DNAH12: variants seen among roughly 807,000 people sequenced by gnomAD.
DNAH12 encodes the protein dynein axonemal heavy chain 12.
In DNAH12, 285 loss-of-function variants were observed where a neutral mutation model predicts 371.5. The ratio of observed to expected loss-of-function variants is 0.77; its 90% CI spans 0.70 to 0.85. The LOEUF (loss-of-function observed/expected upper bound fraction) is 0.85, where lower values mean the gene tolerates loss of function less well. DNAH12 is among the 40% of genes least tolerant of loss of function. DNAH12 has a pLI of 0.00. For missense variants in DNAH12, 3,611 were observed against 3,689.4 expected (o/e 0.98, Z 0.55); for synonymous variants, 1,200 against 1,213.0 (o/e 0.99, Z 0.22).
intron 13 of DNAH12, among the ~76,000 whole-genome samples, chr3:57,482,650 C>T (rs887390009): frequency 2.0e-5 from 3 of 151,888 alleles, no homozygotes; most frequent in African/African-American, 7.3e-5. Flanking sequence ...CTATTCACAA[C>T]AGCAAAGACT....
intron 7 of DNAH12, 41 bp downstream of exon 7, chr3:57,508,341 A>G: frequency 6.4e-7 from 1 of 1,550,696 alleles, no homozygotes; most frequent in Non-Finnish European, 8.7e-7. Context: ...TATAGACTCA[A>G]GCAAGGAGAC....
intron 17 of DNAH12, 187 bp downstream of exon 17, chr3:57,468,549 C>T (rs184547961): frequency 1.1e-3 from 337 of 296,584 alleles, no homozygotes; most frequent in Middle Eastern, 6.1e-3. Flanking sequence ...CAGGAGGTGG[C>T]AGTGGCAGTG....
At chr3:57,350,720 G>A (rs1398952283) in intron 60 of DNAH12, among the ~76,000 whole-genome samples, 1 of 152,198 alleles carries the variant, frequency 6.6e-6, no homozygotes, top group East Asian at 1.9e-4. Flanking sequence ...GCAAACTAGA[G>A]AGTGAGTGCC....
At chr3:57,325,398 C>G (rs1377433613) in intron 62 of DNAH12, among the ~76,000 whole-genome samples, 5 of 152,216 alleles carry the variant, frequency 3.3e-5, no homozygotes, top group Admixed American at 1.3e-4. Context: ...GATCAGATAG[C>G]AGCATTCGTG....
intron 16 of DNAH12, among the ~76,000 whole-genome samples, chr3:57,469,584 T>C (rs2066308611): frequency 6.6e-6 from 1 of 152,130 alleles, no homozygotes; most frequent in African/African-American, 2.4e-5. Flanking sequence ...TCAACCTAGG[T>C]GCCCATCAAC....
intron 43 of DNAH12, among the ~76,000 whole-genome samples, chr3:57,398,060 T>G (rs2063781812): frequency 6.6e-6 from 1 of 152,076 alleles, no homozygotes. Context: ...AGGAAAACAA[T>G]GCATGAACAA....
chr3:57,435,344 C>T (rs1351611198), intron 30 of DNAH12, among the ~76,000 whole-genome samples: 5 of 131,546 alleles, frequency 3.8e-5, no homozygotes, highest in African/African-American at 1.1e-4. Context: ...TGCATTCCAG[C>T]CTGGGTGATA....
intron 59 of DNAH12, among the ~76,000 whole-genome samples, chr3:57,353,672 T>C (rs2062735286): frequency 6.6e-6 from 1 of 152,048 alleles, no homozygotes; most frequent in East Asian, 1.9e-4. Flanking sequence ...GAATTTAAAT[T>C]AATTAACAAG....
chr3:57,328,209 T>G (rs905557638), intron 62 of DNAH12, among the ~76,000 whole-genome samples: 22 of 151,426 alleles, frequency 1.5e-4, no homozygotes, highest in Admixed American at 1.4e-3. Flanking sequence ...TAACTCATTT[T>G]ATGAGGCCAG....
At position 57,446,121 on chromosome 3, in the gene DNAH12, C is replaced by A. The variant is rs1395816371; in HGVS notation, c.4089G>T (p.Gly1363=). The change falls in exon 27 of 74, where the codon GGG becomes GGT. Residue 1363 remains glycine, a synonymous_variant. Coordinates refer to ENST00000495027, the MANE Select transcript of DNAH12 (RefSeq NM_001366028.2). ...AATTCGGATTGAGCTTAAGTTCTGT[C>A]CCTTCAAAAACAAACACAACCAACT... ...QQKLVVFVFE[G]TELKLNPNCF... 6.4e-7 allele frequency: 1 copy of A among 1,551,652 alleles called. No individual in the cohort carries two copies. The highest frequency in any genetic ancestry group is 8.7e-7 in the Non-Finnish European group (1 of 1,146,988).
At chr3:57,340,826 C>T (rs146965462) in intron 60 of DNAH12, among the ~76,000 whole-genome samples, 36 of 152,206 alleles carry the variant, frequency 2.4e-4, no homozygotes, top group African/African-American at 6.3e-4. Context: ...ATAACCCTGA[C>T]GCCAAAACCA....
At chr3:57,504,377 A>G (rs2067671540) in intron 8 of DNAH12, among the ~76,000 whole-genome samples, 173 bp from the exon 9 acceptor site, 1 of 151,320 alleles carries the variant, frequency 6.6e-6, no homozygotes, top group South Asian at 2.1e-4. Context: ...ATATGTGTGT[A>G]TACATACATG....
intron 4 of DNAH12, among the ~76,000 whole-genome samples, chr3:57,520,684 G>A (rs1451923714): frequency 1.3e-5 from 2 of 151,650 alleles, no homozygotes; most frequent in Non-Finnish European, 2.9e-5. Context: ...CTCATGATCC[G>A]CCCACCCCGG....
At chr3:57,505,240 A>AC (rs1247349994) in intron 8 of DNAH12, among the ~76,000 whole-genome samples, 3 of 59,826 alleles carry the variant, frequency 5.0e-5, no homozygotes, top group African/African-American at 6.6e-5. Flanking sequence ...CACTTACCAC[A>AC]CCCCCCACCC....
chr3:57,499,647 A>AAAAAAAAAAAAAATATATATAT (rs1451248906), intron 11 of DNAH12, among the ~76,000 whole-genome samples: 1 of 17,946 alleles, frequency 5.6e-5, no homozygotes, highest in Admixed American at 5.5e-4. Context: ...AAAAAAAAAA[A>AAAAAAAAAAAAAATATATATAT]ATATATATAT....
intron 29 of DNAH12, among the ~76,000 whole-genome samples, chr3:57,441,415 T>A (rs1244051768): frequency 2.0e-5 from 3 of 152,020 alleles, no homozygotes; most frequent in African/African-American, 7.2e-5. Context: ...GAGAGACACA[T>A]GAAACTATAT....
At chr3:57,311,070 G>A (rs769427981) in intron 66 of DNAH12, 120 bp from the exon 67 acceptor site, 80 of 748,750 alleles carry the variant, frequency 1.1e-4, no homozygotes, top group Non-Finnish European at 1.4e-4. Flanking sequence ...GTTGTCTTTC[G>A]GTAGCTGAGA....
intron 13 of DNAH12, among the ~76,000 whole-genome samples, chr3:57,479,346 G>A (rs576439091): frequency 2.6e-5 from 4 of 152,070 alleles, no homozygotes; most frequent in Admixed American, 6.6e-5. Flanking sequence ...AATGGTAAAG[G>A]GATCAATTCA....
At chr3:57,502,923 G>T (rs1366700509) in intron 9 of DNAH12, among the ~76,000 whole-genome samples, 1 of 151,922 alleles carries the variant, frequency 6.6e-6, no homozygotes, top group African/African-American at 2.4e-5. Flanking sequence ...CAGGCAATCC[G>T]CCCGCCTCAT....
Sources: allele counts gnomAD v4.1 joint callset (sites outside exome capture counted in the v4.1 genomes callset), GRCh38; gene constraint gnomAD v4.1.1; transcripts MANE v1.5; gene names NCBI Gene and HGNC (gene_info 2026-07-23, HGNC 2026-07-21).